MAGI1: variants seen among roughly 807,000 people sequenced by gnomAD.
MAGI1 encodes membrane-associated guanylate kinase, WW and PDZ domain-containing protein 1.
Under a neutral mutation model 139.9 loss-of-function variants are expected in MAGI1, and 58 were observed. The observed-to-expected ratio is 0.41, with a 90% CI of 0.34 to 0.52. The LOEUF (loss-of-function observed/expected upper bound fraction) is 0.52, where lower values mean the gene tolerates loss of function less well. MAGI1 is among the 20% of genes least tolerant of loss of function. The probability of loss-of-function intolerance (pLI) is 0.12; values close to 1 mark genes in which losing one functional copy is unlikely to be tolerated. For synonymous variants in MAGI1, 812 were observed against 737.9 expected, an observed-to-expected ratio of 1.10 and a Z score of -1.63; for missense variants, 1,874 against 1,901.6, an observed-to-expected ratio of 0.99 and a Z score of 0.27.
chr3:65,863,904 G>GTTA (rs141426916), intron 1 of MAGI1, among the ~76,000 whole-genome samples: 2,347 of 152,134 alleles, frequency 0.015, 65 homozygotes, highest in African/African-American at 0.054. Context: ...CTTAGAAACT[G>GTTA]GTCCCCTCTG....
chr3:65,583,010 A>G (rs968172718), intron 2 of MAGI1, among the ~76,000 whole-genome samples: 8 of 152,220 alleles, frequency 5.3e-5, no homozygotes, highest in Non-Finnish European at 8.8e-5. Flanking sequence ...AATGCACTTA[A>G]TAGTGTATTT....
intron 1 of MAGI1, among the ~76,000 whole-genome samples, chr3:65,659,293 C>G (rs567658017): frequency 6.6e-6 from 1 of 152,206 alleles, no homozygotes; most frequent in East Asian, 1.9e-4. Context: ...AGTAATTTCA[C>G]ATAACTAGCA....
chr3:65,695,631 T>C (rs1181447736), intron 1 of MAGI1, among the ~76,000 whole-genome samples: 1 of 152,204 alleles, frequency 6.6e-6, no homozygotes, highest in Non-Finnish European at 1.5e-5. Context: ...TAGGTATTGC[T>C]GGGGGATGAA....
chr3:65,861,667 T>C (rs2059561047), intron 1 of MAGI1, among the ~76,000 whole-genome samples: 1 of 152,082 alleles, frequency 6.6e-6, no homozygotes. Flanking sequence ...GAGGAGCCAC[T>C]TGACCTCAGT....
chr3:65,590,116 T>C (rs2081901679), intron 2 of MAGI1, among the ~76,000 whole-genome samples: 1 of 152,142 alleles, frequency 6.6e-6, no homozygotes, highest in South Asian at 2.1e-4. Flanking sequence ...GCATCACCAG[T>C]GTCTCCTCTA....
chr3:65,785,936 CT>C lies in MAGI1; in HGVS notation c.314-163849del, dbSNP rs534503386. Among the ~76,000 whole-genome samples, 398 of 143,902 alleles carry C rather than the reference CT, an allele frequency of 2.8e-3. 1 individual carries two copies. In the East Asian group the frequency reaches 0.03, roughly 11 times the overall value. The allele number at this position is 143,902 out of a possible 152,430, so 94.4% of individuals were successfully genotyped here. On this transcript the variant is annotated intron_variant, in intron 1 of 22. Coordinates refer to ENST00000402939, the MANE Select transcript of MAGI1 (RefSeq NM_001033057.2). ...CCCCTTATTCCTGCTGTCATCTTAA[CT>C]TTTTTTTTTTTTTTCTTGAAACGGA...
At chr3:65,402,470 A>C (rs1944977155) in intron 12 of MAGI1, among the ~76,000 whole-genome samples, 1 of 152,196 alleles carries the variant, frequency 6.6e-6, no homozygotes, top group Non-Finnish European at 1.5e-5. Flanking sequence ...CTGGTGTTTC[A>C]AAAGTAATCA....
At chr3:65,781,819 C>T (rs1409984365) in intron 1 of MAGI1, among the ~76,000 whole-genome samples, 1 of 152,238 alleles carries the variant, frequency 6.6e-6, no homozygotes, top group Admixed American at 6.5e-5. Flanking sequence ...CCTGACTCTG[C>T]AACTACGCAA....
At chr3:65,919,191 G>A (rs987106600) in intron 1 of MAGI1, among the ~76,000 whole-genome samples, 2 of 152,156 alleles carry the variant, frequency 1.3e-5, no homozygotes, top group African/African-American at 2.4e-5. Flanking sequence ...TTCCCCCCAG[G>A]AGACAAAATG....
chr3:65,496,437 G>C (rs116248595), intron 2 of MAGI1, among the ~76,000 whole-genome samples: 1,728 of 152,262 alleles, frequency 0.011, 36 homozygotes, highest in Non-Finnish European at 0.011. Flanking sequence ...GGGACCAGTT[G>C]GGTGGTTACC....
chr3:65,493,686 T>A (rs1952218663), intron 2 of MAGI1, 55 bp from the exon 3 acceptor site: 2 of 1,606,294 alleles, frequency 1.2e-6, no homozygotes, highest in Admixed American at 1.7e-5. Flanking sequence ...AAACAGGAAG[T>A]TCCACATCCA....
At chr3:65,828,911 A>G (rs929881215) in intron 1 of MAGI1, among the ~76,000 whole-genome samples, 8 of 152,334 alleles carry the variant, frequency 5.3e-5, no homozygotes, top group African/African-American at 1.7e-4. Flanking sequence ...GAGGGCCATG[A>G]GTCATGGAAT....
At chr3:65,621,855 G>C (rs1386248692) in intron 2 of MAGI1, 117 bp downstream of exon 2, 1 of 685,796 alleles carries the variant, frequency 1.5e-6, no homozygotes, top group East Asian at 2.7e-5. Context: ...GAGTCACTCA[G>C]TAGGCCAACC....
At chr3:65,384,682 A>C (rs1054230011) in intron 14 of MAGI1, among the ~76,000 whole-genome samples, 3 of 152,180 alleles carry the variant, frequency 2.0e-5, no homozygotes, top group Admixed American at 2.0e-4. Flanking sequence ...GCAGTGAGCC[A>C]TGATTGCCCC....
chr3:65,926,860 T>C (rs1576095647), intron 1 of MAGI1, among the ~76,000 whole-genome samples: 1 of 152,216 alleles, frequency 6.6e-6, no homozygotes, highest in Admixed American at 6.5e-5. Flanking sequence ...CTGGGCGCGG[T>C]GGTGCACACC....
intron 2 of MAGI1, among the ~76,000 whole-genome samples, chr3:65,552,231 T>C (rs770364246): frequency 6.7e-6 from 1 of 150,250 alleles, no homozygotes; most frequent in Admixed American, 6.7e-5. Context: ...GTCCAGGTAA[T>C]AGGGCTCAGC....
At chr3:65,359,820 A>G in intron 22 of MAGI1, 1 of 985,716 alleles carries the variant, frequency 1.0e-6, no homozygotes, top group Non-Finnish European at 1.2e-6. Flanking sequence ...TGCAACAGAC[A>G]TAGGTTTTGA....
intron 1 of MAGI1, among the ~76,000 whole-genome samples, chr3:65,633,266 C>G (rs924069353): frequency 6.6e-6 from 1 of 152,144 alleles, no homozygotes; most frequent in African/African-American, 2.4e-5. Flanking sequence ...TGACTCCAGA[C>G]ACGGGGTACC....
At chr3:65,995,074 C>T (rs963874632) in intron 1 of MAGI1, among the ~76,000 whole-genome samples, 3 of 152,078 alleles carry the variant, frequency 2.0e-5, no homozygotes, top group African/African-American at 7.2e-5. Context: ...ATAAGTTTCT[C>T]GGGGACAAAA....
Sources: allele counts gnomAD v4.1 joint callset (sites outside exome capture counted in the v4.1 genomes callset), GRCh38; gene constraint gnomAD v4.1.1; transcripts MANE v1.5; gene names NCBI Gene and HGNC (gene_info 2026-07-23, HGNC 2026-07-21).